The following MYH6 variants were observed in gnomAD, a reference collection of about 807,000 sequenced individuals.
The protein encoded by MYH6 is myosin heavy chain 6, also known as myosin-6.
MYH6 carries 126 observed loss-of-function variants against 223.2 expected under a neutral mutation model. The ratio of observed to expected loss-of-function variants is 0.56; its 90% confidence interval spans 0.49 to 0.65. The LOEUF is 0.65. Among genes scored for constraint, MYH6 ranks in the 30% least tolerant of loss-of-function variants. The pLI, the probability that MYH6 is intolerant of heterozygous loss-of-function variation, is 0.00. For missense variants in MYH6, 2,040 were observed against 2,536.4 expected, an observed-to-expected ratio of 0.80 and a Z score of 4.20; for synonymous variants, 978 against 1,010.2, an observed-to-expected ratio of 0.97 and a Z score of 0.61.
intron 1 of MYH6, 60 bp downstream of exon 1, chr14:23,408,193 C>A (rs574980708): frequency 2.0e-6 from 2 of 979,074 alleles, no homozygotes; most frequent in Non-Finnish European, 2.4e-6. Flanking sequence ...GAAGGAGGTC[C>A]CTCACGGTGG....
rs940676609 is a variant in MYH6, at chr14:23,383,276, C to T, written c.5610G>A (p.Val1870=). ...KKNLLRLQDL[V]DKLQLKVKAY... ...CCTTGACCTTCAGTTGCAGCTTGTC[C>T]ACCAGGTCCTGTAGCCGCAGCAGGT... is the stretch of plus-strand genomic sequence containing the variant. Residue 1870 remains valine (V), a synonymous_variant, in exon 37 of 39, where the codon GTG becomes GTA. Coordinates refer to ENST00000405093, the MANE Select transcript of MYH6 (RefSeq NM_002471.4). 6.6e-7 allele frequency: 1 copy of T among 1,522,104 alleles called. No homozygotes were observed. 94.3% of individuals were successfully genotyped at this position (1,522,104 alleles called of 1,614,324 possible).
Position 23,400,721 on chromosome 14 carries a change from G to A in MYH6, c.1398C>T (p.Phe466=), listed in dbSNP as rs745448722. ...YFIGVLDIAG[F]EIFDFNSFEQ... ...GGTCCCAACTCACGTCGAAGATCTC[G>A]AAGCCAGCGATGTCCAGGACTCCTA... Residue 466 remains phenylalanine, a synonymous_variant, in exon 13 of 39, where the codon TTC becomes TTT. Coordinates refer to ENST00000405093, the MANE Select transcript of MYH6 (RefSeq NM_002471.4). 1.6e-5 allele frequency: 26 copies of A among 1,614,138 alleles called. No individual in the cohort carries two copies. Among genetic ancestry groups the A allele is most frequent in the African/African-American group, 8.0e-5 (6 of 74,942 alleles).
intron 35 of MYH6, 86 bp downstream of exon 35, chr14:23,384,830 G>A (rs979351614): frequency 3.7e-6 from 6 of 1,613,100 alleles, no homozygotes; most frequent in African/African-American, 1.3e-5. Context: ...TGCAGAGTTG[G>A]CTTGGTGTTA....
At chr14:23,404,167 TC>T (rs1891701021) in intron 8 of MYH6, 128 bp downstream of exon 8, 20 of 1,171,350 alleles carry the variant, frequency 1.7e-5, no homozygotes, top group Non-Finnish European at 2.1e-5. Flanking sequence ...TATGCTCTCT[TC>T]CCACCAACGT....
Position 23,383,230 on chromosome 14 carries a change from C to T in MYH6, c.5656G>A (p.Glu1886Lys), listed in dbSNP as rs138864419. 23 of 1,596,610 alleles carry T rather than the reference C, an allele frequency of 1.4e-5. No individual in the cohort carries two copies. Among genetic ancestry groups the T allele is most frequent in the Middle Eastern group, 1.9e-4 (1 of 5,348 alleles). The change falls in exon 37 of 39, where the codon GAG (glutamate) becomes AAG (lysine). Residue 1886 changes from glutamate to lysine, a missense_variant. By Grantham distance (56) the Glu-to-Lys change is moderately conservative. Around this residue, in one of 4 missense-constraint regions of MYH6, gnomAD observed 1,203 missense variants for 1,400.2 expected, o/e 0.86. Transcript: ENST00000405093. ...KVKAYKRQAE[E>K]AEEQANTNLS... ...GAAGAAAGCTCTGAACTCACCGCCT[C>T]CTCGGCCTGGCGCTTGTAGGCCTTG... is the stretch of plus-strand genomic sequence containing the variant.
intron 14 of MYH6, 89 bp downstream of exon 14, chr14:23,400,167 C>G (rs762545464): frequency 6.3e-7 from 1 of 1,596,204 alleles, no homozygotes; most frequent in South Asian, 1.1e-5. Flanking sequence ...ATTCTTGGGA[C>G]TCTAGTTTCT....
chr14:23,388,865 T>C lies in MYH6; in HGVS notation c.4169A>G (p.Glu1390Gly), dbSNP rs370600272. The stretch of plus-strand genomic sequence containing the variant: ...GGGGGTATCTGGAGCTCACTTGGCC[T>C]CTTCGAGCTCCTCAGTCCGCTGAAT... The part of the protein sequence containing the change: ...DAIQRTEELE[E>G]AKKKLAQRLQ... The change falls in exon 29 of 39, where the codon GAG becomes GGG. Residue 1390 changes from glutamate (E) to glycine (G), a missense_variant. Physicochemically the swap from Glu to Gly is moderately conservative, Grantham distance 98 (BLOSUM62 -2). Transcript: ENST00000405093. 1 of 1,613,708 alleles carries C rather than the reference T, an allele frequency of 6.2e-7. No individual in the cohort carries two copies. The highest frequency in any genetic ancestry group is 1.3e-5 in the African/African-American group (1 of 74,940).
rs142992009 is a variant in MYH6 at position 23,398,856 on chromosome 14, T to G, written c.1763A>C (p.Asp588Ala). ...FSLIHYAGTV[D>A]YNILGWLEKN... ...TTCCAGCCAGCCCAGGATGTTGTAG[T>G]CCACAGTGCCGGCGTAGTGGATCAG... The change falls in exon 15 of 39, where the codon GAC becomes GCC. Residue 588 changes from aspartate to alanine, a missense_variant. Around this residue, in one of 4 missense-constraint regions of MYH6, gnomAD observed 649 missense variants for 877.3 expected, o/e 0.74. Coordinates refer to ENST00000405093, the MANE Select transcript of MYH6 (RefSeq NM_002471.4). 3,726 of 1,614,158 alleles carry G rather than the reference T, an allele frequency of 2.3e-3. 3 individuals carry two copies. Among genetic ancestry groups the G allele is most frequent in the Non-Finnish European group, 2.8e-3 (3,352 of 1,180,032 alleles).
At position 23,383,339 on chromosome 14, in the gene MYH6, G is replaced by GGAA; in HGVS notation, c.5566-20_5566-19insTTC. 3 of 108,198 alleles carry GGAA rather than the reference G, an allele frequency of 2.8e-5. No individual in the cohort carries two copies. The highest frequency in any genetic ancestry group is 3.1e-4 in the Admixed American group (2 of 6,390). 6.7% of individuals were successfully genotyped at this position (108,198 alleles called of 1,614,324 possible). A position where few individuals can be genotyped will look rare whatever the true frequency, so the allele number is the denominator to read the frequency against. On this transcript the variant is annotated intron_variant, in intron 36 of 38. Coordinates refer to ENST00000405093, the MANE Select transcript of MYH6 (RefSeq NM_002471.4). ...CCTCTGTCTGGGGGTGGGAGGGTGGGAGAAGCTGGTTTGGAGGGGGAGCAA... is the reference window on the plus strand; with the variant it reads ...CCTCTGTCTGGGGGTGGGAGGGTGGGGAAAGAAGCTGGTTTGGAGGGGGAGCAA...
Position 23,389,069 on chromosome 14 carries a change from G to T in MYH6, c.3979-14C>A, listed in dbSNP as rs372226248. 4.8e-4 allele frequency: 732 copies of T among 1,528,698 alleles called. 3 individuals carry two copies. The highest frequency in any genetic ancestry group is 1.3e-3 in the South Asian group (113 of 87,034). 94.7% of individuals were successfully genotyped at this position (1,528,698 alleles called of 1,614,324 possible). On this transcript the variant is annotated splice_polypyrimidine_tract_variant and intron_variant, in intron 28 of 38. Transcript: ENST00000405093. ...GGCGTTCTTCGCCTGGGGAGGGGGG[G>T]GGGCACCAGGAGGTGGGAGGGACTC...
intron 18 of MYH6, 62 bp from the exon 19 acceptor site, chr14:23,396,879 T>A: frequency 1.2e-6 from 2 of 1,612,850 alleles, no homozygotes; most frequent in South Asian, 1.1e-5. Flanking sequence ...CCCACAGAAT[T>A]CCAGGGTCAC....
intron 15 of MYH6, among the ~76,000 whole-genome samples, chr14:23,398,028 C>CT (rs1595059960): frequency 1.1e-5 from 1 of 89,170 alleles, no homozygotes. Flanking sequence ...CTTCTTCCTT[C>CT]TATTTTTGAG....
chr14:23,401,854 A>G (rs1429553704), intron 12 of MYH6, among the ~76,000 whole-genome samples: 2 of 152,174 alleles, frequency 1.3e-5, no homozygotes, highest in Admixed American at 6.5e-5. Context: ...AATTTCAAGA[A>G]TGTTGTAATA....
In MYH6 at chr14:23,402,946, A is replaced by C. The variant is rs550481590; in HGVS notation, c.899-146T>G. On this transcript the variant is annotated intron_variant, in intron 10 of 38. Transcript: ENST00000405093. ...AGGGAGGACAGGGAGCAGGGAGAGA[A>C]GAGAAGTCAGCAAGGACCAAGGAGT... 6.3e-5 allele frequency: 44 copies of C among 701,644 alleles called. No homozygotes were observed. In the South Asian group the frequency reaches 6.9e-4, roughly 11 times the overall value. The allele number at this position is 701,644 out of a possible 1,614,324, so 43.5% of individuals were successfully genotyped here.
chr14:23,393,544 T>C, intron 22 of MYH6, 26 bp from the exon 23 acceptor site: 1 of 1,613,950 alleles, frequency 6.2e-7, no homozygotes, highest in Non-Finnish European at 8.5e-7. Context: ...CCATCCCCTT[T>C]AGGGTCAAAG....
Position 23,388,233 on chromosome 14 carries a change from T to C in MYH6, c.4281A>G (p.Ile1427Met), listed in dbSNP as rs767944859. The change falls in exon 30 of 39, where the codon ATA (isoleucine) becomes ATG (methionine). Residue 1427 changes from isoleucine (I) to methionine (M), a missense_variant. By Grantham distance (10) the Ile-to-Met change is conservative. Around this residue, in one of 4 missense-constraint regions of MYH6, gnomAD observed 1,203 missense variants for 1,400.2 expected, o/e 0.86. Transcript: ENST00000405093. ...GCTCTACGTCCACCATCAAGTCCTC[T>C]ATCTCATTCTGTAGCCGGTGCTTGG... ...EKTKHRLQNE[I>M]EDLMVDVERS... The C allele has an allele frequency of 6.2e-7, 1 of 1,612,672 alleles. No individual in the cohort carries two copies. Among genetic ancestry groups the C allele is most frequent in the East Asian group, 2.2e-5 (1 of 44,868 alleles).
At position 23,400,854 on chromosome 14, in the gene MYH6, T is replaced by C. The variant is rs1891578725; in HGVS notation, c.1265A>G (p.Tyr422Cys). 1.1e-5 allele frequency: 18 copies of C among 1,614,208 alleles called. No individual in the cohort carries two copies. The highest frequency in any genetic ancestry group is 1.4e-5 in the Non-Finnish European group (17 of 1,180,028). The change falls in exon 13 of 39, where the codon TAC becomes TGC. Residue 422 changes from tyrosine to cysteine, a missense_variant. By Grantham distance (194) the Tyr-to-Cys change is radical (BLOSUM62 -2). Coordinates refer to ENST00000405093, the MANE Select transcript of MYH6 (RefSeq NM_002471.4). ...CTTGGCCAGAGCCCCGATGGAGTAG[T>C]ACACCTGCTGCACGCTCTGCCCCTT... ...VTKGQSVQQVYYSIGALAKAV... is the reference protein window; with the variant it reads ...VTKGQSVQQVCYSIGALAKAV...
At chr14:23,386,967 C>T (rs975944510) in intron 32 of MYH6, among the ~76,000 whole-genome samples, 1 of 152,148 alleles carries the variant, frequency 6.6e-6, no homozygotes, top group African/African-American at 2.4e-5. Context: ...AGGTCCCTCA[C>T]CCTTTCCTGA....
At chr14:23,382,932 C>T (rs1890902972) in intron 37 of MYH6, among the ~76,000 whole-genome samples, 1 of 152,232 alleles carries the variant, frequency 6.6e-6, no homozygotes, top group South Asian at 2.1e-4. Context: ...CCCTTCTAGG[C>T]CCAATTCCAC....
Sources: gnomAD v4.1 joint callset for allele counts (sites outside exome capture counted in the v4.1 genomes callset) on GRCh38, gnomAD v4.1.1 for gene constraint, gnomAD v4.1.1 regional missense constraint, MANE v1.5 for transcripts, NCBI Gene and HGNC (gene_info 2026-07-23, HGNC 2026-07-21) for gene names.